Variants in MTMR9 observed in about 807,000 individuals in gnomAD.
The protein encoded by MTMR9 is myotubularin-related protein 9.
A neutral mutation model predicts 69.5 loss-of-function variants in MTMR9; 39 were observed. The observed-to-expected ratio is 0.56, with a 90% confidence interval of 0.43 to 0.73. MTMR9 has a LOEUF of 0.73. Ranked by LOEUF, MTMR9 falls within the 30% of genes least tolerant of loss-of-function variation. The pLI, the probability that MTMR9 is intolerant of heterozygous loss-of-function variation, is 0.00. For missense variants in MTMR9, 900 were observed against 671.2 expected, an observed-to-expected ratio of 1.34 and a Z score of -3.77; for synonymous variants, 354 against 240.8, an observed-to-expected ratio of 1.47 and a Z score of -4.35.
At chr8:11,320,795 C>G (rs1247614448) in intron 9 of MTMR9, 1 of 152,150 alleles carries the variant, frequency 6.6e-6, no homozygotes, top group African/African-American at 2.4e-5. Context: ...TTTCATTAAA[C>G]AAAGCCTCTA....
At chr8:11,292,069 C>T (rs575595386) in intron 1 of MTMR9, among the ~76,000 whole-genome samples, 8 of 152,210 alleles carry the variant, frequency 5.3e-5, no homozygotes, top group Admixed American at 2.6e-4. Flanking sequence ...TCCAAGTAGT[C>T]ACAGATGAGT....
intron 4 of MTMR9, among the ~76,000 whole-genome samples, chr8:11,305,469 G>A (rs1799905028): frequency 6.6e-6 from 1 of 152,200 alleles, no homozygotes; most frequent in Non-Finnish European, 1.5e-5. Context: ...AGTAAACACT[G>A]GAGTCAGGAT....
chr8:11,304,760 T>A (rs1009038799), intron 3 of MTMR9, 81 bp from the exon 4 acceptor site: 1 of 1,429,386 alleles, frequency 7.0e-7, no homozygotes, highest in Non-Finnish European at 9.6e-7. Context: ...AAAGTTGACC[T>A]CTAAGGTCTT....
chr8:11,338,001 G>A, the MTMR9 span, among the ~76,000 whole-genome samples: 2 of 152,216 alleles, frequency 1.3e-5, no homozygotes, highest in African/African-American at 2.4e-5. Context: ...GCAGCTTCAG[G>A]ACTTGGCTAA....
intron 2 of MTMR9, chr8:11,298,723 C>CA (rs1563270268): frequency 2.3e-6 from 2 of 878,088 alleles, no homozygotes; most frequent in African/African-American, 1.8e-5. Flanking sequence ...CCGCTGCACC[C>CA]CCCCCCCGCC....
At position 11,298,714 on chromosome 8, in the gene MTMR9, C is replaced by T. The variant is rs1045470721; in HGVS notation, c.292-1309C>T. 75 of 889,436 alleles carry T rather than the reference C, an allele frequency of 8.4e-5. 1 individual carries two copies. Among genetic ancestry groups the T allele is most frequent in the South Asian group, 1.7e-4 (3 of 17,948 alleles). 55.1% of individuals were successfully genotyped at this position (889,436 alleles called of 1,614,324 possible). On this transcript the variant is annotated intron_variant, in intron 2 of 9. Transcript: ENST00000221086. ...GCTAATTGATATGGTATCCTTTCCC[C>T]GCTGCACCCCCCCCCCGCCATCCAG...
chr8:11,297,704 C>G (rs1430564776), intron 2 of MTMR9, among the ~76,000 whole-genome samples: 1 of 152,026 alleles, frequency 6.6e-6, no homozygotes, highest in Middle Eastern at 3.2e-3. Context: ...CTTGCTGACG[C>G]TGATCAGTTG....
intron 2 of MTMR9, 141 bp from the exon 3 acceptor site, chr8:11,299,881 CT>C (rs1799691225): frequency 2.1e-6 from 2 of 946,414 alleles, no homozygotes; most frequent in Non-Finnish European, 3.0e-6. Flanking sequence ...AAAATTGTAT[CT>C]GGTGATAAAC....
chr8:11,299,279 G>A (rs1486099449), intron 2 of MTMR9, among the ~76,000 whole-genome samples: 2 of 152,170 alleles, frequency 1.3e-5, no homozygotes, highest in African/African-American at 2.4e-5. Flanking sequence ...GCAGTGAGCC[G>A]AGATCGCGCC....
intron 1 of MTMR9, among the ~76,000 whole-genome samples, chr8:11,287,976 GTATTATA>G (rs1334691021): frequency 1.7e-5 from 2 of 116,126 alleles, no homozygotes; most frequent in Non-Finnish European, 1.7e-5. Context: ...TATTATATAT[GTATTATA>G]TAATATATAT....
chr8:11,328,706 A>C (rs11782706), downstream of MTMR9, among the ~76,000 whole-genome samples: 61,804 of 152,104 alleles, frequency 0.41, 14,150 homozygotes, highest in East Asian at 0.73. Context: ...ATAATCTCCA[A>C]ATAGCCTTCC....
intron 6 of MTMR9, among the ~76,000 whole-genome samples, chr8:11,314,502 C>A (rs1372406369): frequency 1.3e-5 from 2 of 152,056 alleles, no homozygotes; most frequent in African/African-American, 4.8e-5. Flanking sequence ...GAGTCAAAGT[C>A]AGAAAAATAA....
At chr8:11,306,161 T>A (rs757027005) in intron 4 of MTMR9, 29 bp from the exon 5 acceptor site, 4 of 1,601,140 alleles carry the variant, frequency 2.5e-6, no homozygotes, top group Non-Finnish European at 3.4e-6. Flanking sequence ...GCAACTGCTG[T>A]TGAATTTTCA....
At chr8:11,335,170 T>A in the MTMR9 span, among the ~76,000 whole-genome samples, 1 of 152,170 alleles carries the variant, frequency 6.6e-6, no homozygotes, top group Non-Finnish European at 1.5e-5. Context: ...ATGTAGAAAG[T>A]CTAAAATAAG....
downstream of MTMR9, among the ~76,000 whole-genome samples, chr8:11,330,584 C>T (rs1271927381): frequency 1.3e-5 from 2 of 152,224 alleles, no homozygotes; most frequent in African/African-American, 4.8e-5. Flanking sequence ...AGGGGTTCTT[C>T]TGCCTTGGGA....
intron 2 of MTMR9, among the ~76,000 whole-genome samples, chr8:11,299,609 A>G (rs982616465): frequency 6.6e-6 from 1 of 152,172 alleles, no homozygotes; most frequent in African/African-American, 2.4e-5. Context: ...GATTTCAAAT[A>G]ATTTACATAA....
chr8:11,335,758 GCCTT>G, the MTMR9 span, among the ~76,000 whole-genome samples: 2 of 152,222 alleles, frequency 1.3e-5, no homozygotes, highest in Non-Finnish European at 2.9e-5. Flanking sequence ...CTTGATCTCT[GCCTT>G]CATCTATACA....
intron 1 of MTMR9, among the ~76,000 whole-genome samples, chr8:11,293,763 TA>T (rs59697084): frequency 0.025 from 3,556 of 143,410 alleles, 45 homozygotes; most frequent in Non-Finnish European, 0.038. Context: ...TCAAATTCTT[TA>T]AAAAAAAAAA....
rs1418541080 is a variant in MTMR9, at chr8:11,324,960, T to G, written c.*2172T>G. The G allele has an allele frequency of 6.6e-6, 1 of 152,228 alleles. No homozygotes were observed. Among genetic ancestry groups the G allele is most frequent in the African/African-American group, 2.4e-5 (1 of 41,458 alleles). The allele number at this position is 152,228 out of a possible 1,614,324, so 9.4% of individuals were successfully genotyped here. On this transcript the variant is annotated 3_prime_UTR_variant, in exon 10 of 10. Coordinates refer to ENST00000221086, the MANE Select transcript of MTMR9 (RefSeq NM_015458.4). The stretch of plus-strand genomic sequence containing the variant: ...AGGGAGTTTGTATTAGGTCTGGTCA[T>G]GGAGGGATGATGTACCATCAAGGTA...
Sources: gnomAD v4.1 joint callset for allele counts (sites outside exome capture counted in the v4.1 genomes callset) on GRCh38, gnomAD v4.1.1 for gene constraint, MANE v1.5 for transcripts, NCBI Gene and HGNC (gene_info 2026-07-23, HGNC 2026-07-21) for gene names.